Variants in KIF13B observed in about 807,000 individuals in gnomAD.
KIF13B encodes the protein kinesin-like protein KIF13B.
In KIF13B, 127 loss-of-function variants were observed where a neutral mutation model predicts 222.0. That is an observed-to-expected ratio of 0.57 (90% CI 0.50 to 0.66). The LOEUF is 0.66. Among genes scored for constraint, KIF13B ranks in the 30% least tolerant of loss-of-function variants. The pLI is 0.00. For synonymous variants in KIF13B, 976 were observed against 919.0 expected (o/e 1.06, Z -1.12); for missense variants, 2,173 against 2,379.0 (o/e 0.91, Z 1.80).
intron 2 of KIF13B, among the ~76,000 whole-genome samples, chr8:29,213,987 G>T: frequency 6.6e-6 from 1 of 152,066 alleles, no homozygotes; most frequent in East Asian, 1.9e-4. Flanking sequence ...AAATACAAAA[G>T]GTACAGTAAA....
chr8:29,173,523 G>A (rs1812340652), intron 10 of KIF13B, among the ~76,000 whole-genome samples: 1 of 151,140 alleles, frequency 6.6e-6, no homozygotes, highest in Non-Finnish European at 1.5e-5. Flanking sequence ...AAAGGAGGCT[G>A]ATGTGGGAGG....
chr8:29,109,909 T>C lies in KIF13B; in HGVS notation c.4083+9A>G. On this transcript the variant is annotated intron_variant, in intron 33 of 39. Transcript: ENST00000524189. Reference sequence around the variant, plus strand: ...TCTGCTGCCCGCCCTATCCATGCGGTTGGCTAACCTGGCGCAGACGATCTA... The same window carrying C: ...TCTGCTGCCCGCCCTATCCATGCGGCTGGCTAACCTGGCGCAGACGATCTA... 2 of 1,612,752 alleles carry C rather than the reference T, an allele frequency of 1.2e-6. No homozygotes were observed. The highest frequency in any genetic ancestry group is 2.2e-5 in the East Asian group (1 of 44,882).
intron 29 of KIF13B, among the ~76,000 whole-genome samples, chr8:29,120,373 C>T (rs1809811142): frequency 1.1e-5 from 1 of 90,392 alleles, no homozygotes; most frequent in Admixed American, 1.2e-4. Context: ...TATTCCCCTT[C>T]CTGTGTCCAT....
In KIF13B at chr8:29,130,562, G is replaced by A. The variant is rs771936727; in HGVS notation, c.3046C>T (p.Pro1016Ser). 1.2e-6 allele frequency: 2 copies of A among 1,613,634 alleles called. No individual in the cohort carries two copies. The highest frequency in any genetic ancestry group is 2.2e-5 in the South Asian group (2 of 91,078). Residue 1016 changes from proline (P) to serine (S), a missense_variant, in exon 24 of 40, where the codon CCA (proline) becomes TCA (serine). Coordinates refer to ENST00000524189, the MANE Select transcript of KIF13B (RefSeq NM_015254.4). ...PVEVISAKDV[P>S]TGGIFQLRQG... ...CGGAGCTGGAAGATTCCTCCTGTTG[G>A]GACATCCTTTGCAGAAATCACTTCT...
rs569462745 is a variant in KIF13B, at chr8:29,131,610, C to G, written c.2942+698G>C. On this transcript the variant is annotated intron_variant, in intron 23 of 39. Coordinates refer to ENST00000524189, the MANE Select transcript of KIF13B (RefSeq NM_015254.4). ...TCCCTTTTAATGCTTCCTTTTAAGT[C>G]CACAAAGAAGCCTACCTCTTTCCAA... 7.9e-5 allele frequency among the ~76,000 whole-genome samples: 12 copies of G among 152,280 alleles called. 1 individual carries two copies. Among genetic ancestry groups the G allele is most frequent in the Middle Eastern group, 3.4e-3 (1 of 294 alleles).
intron 2 of KIF13B, among the ~76,000 whole-genome samples, chr8:29,241,658 G>T (rs969969214): frequency 6.9e-6 from 1 of 144,930 alleles, no homozygotes; most frequent in African/African-American, 2.6e-5. Context: ...ACATCACAGC[G>T]AAGCAGTCTC....
intron 13 of KIF13B, 90 bp from the exon 14 acceptor site, chr8:29,155,946 A>G: frequency 2.8e-6 from 3 of 1,058,738 alleles, no homozygotes; most frequent in East Asian, 2.7e-5. Flanking sequence ...ATATTGTCCT[A>G]TTACCTTTGC....
At chr8:29,250,714 C>T (rs777804876) in intron 1 of KIF13B, among the ~76,000 whole-genome samples, 1 of 152,126 alleles carries the variant, frequency 6.6e-6, no homozygotes, top group African/African-American at 2.4e-5. Context: ...AATATGTATA[C>T]GGGCAGAACA....
intron 2 of KIF13B, among the ~76,000 whole-genome samples, chr8:29,223,459 G>A (rs4732669): frequency 0.79 from 120,014 of 151,996 alleles, 48,401 homozygotes; most frequent in Non-Finnish European, 0.87. Context: ...AATACATCCT[G>A]TAAGATTACT....
intron 33 of KIF13B, 36 bp from the exon 34 acceptor site, chr8:29,109,547 G>T (rs1199680304): frequency 1.3e-6 from 2 of 1,555,026 alleles, no homozygotes; most frequent in East Asian, 4.5e-5. Context: ...AAAAAGACAT[G>T]TAAGAGACAC....
At chr8:29,188,722 A>G (rs1813052143) in intron 4 of KIF13B, 115 bp from the exon 5 acceptor site, 1 of 658,946 alleles carries the variant, frequency 1.5e-6, no homozygotes, top group Non-Finnish European at 2.6e-6. Context: ...ATCTCCAAAC[A>G]AGATTTTTAA....
chr8:29,215,393 A>G (rs6558101), intron 2 of KIF13B, among the ~76,000 whole-genome samples: 18,216 of 152,216 alleles, frequency 0.12, 1,241 homozygotes, highest in South Asian at 0.15. Flanking sequence ...CCAACTCTAT[A>G]GAACAGTATG....
chr8:29,263,189 A>G (rs1052132521), upstream of KIF13B: 15 of 636,190 alleles, frequency 2.4e-5, no homozygotes, highest in Non-Finnish European at 3.6e-5. Flanking sequence ...TCCCCGCTGT[A>G]TGGCGGGACT....
At chr8:29,078,143 A>AAAAAAAAAAT (rs1290691485) in intron 37 of KIF13B, among the ~76,000 whole-genome samples, 3 of 150,668 alleles carry the variant, frequency 2.0e-5, no homozygotes, top group African/African-American at 7.3e-5. Flanking sequence ...AAAAAAAAAA[A>AAAAAAAAAAT]AATTAGCAGG....
intron 38 of KIF13B, among the ~76,000 whole-genome samples, chr8:29,073,109 AGGGG>A (rs1465453787): frequency 2.6e-4 from 20 of 76,460 alleles, no homozygotes; most frequent in African/African-American, 1.2e-3. Flanking sequence ...GGGGACGAGG[AGGGG>A]GACGAGGAGG....
intron 37 of KIF13B, among the ~76,000 whole-genome samples, chr8:29,089,260 C>T (rs1235799314): frequency 1.3e-5 from 2 of 152,082 alleles, no homozygotes; most frequent in Admixed American, 6.5e-5. Flanking sequence ...CAGCGAGACT[C>T]TGTCTCTAAA....
intron 32 of KIF13B, among the ~76,000 whole-genome samples, chr8:29,113,018 C>T (rs1434476646): frequency 6.6e-6 from 1 of 152,170 alleles, no homozygotes; most frequent in Admixed American, 6.5e-5. Flanking sequence ...CTCATTTGAT[C>T]CTTAAAAACA....
intron 37 of KIF13B, among the ~76,000 whole-genome samples, chr8:29,089,702 T>C (rs1456773913): frequency 6.6e-6 from 1 of 151,964 alleles, no homozygotes; most frequent in African/African-American, 2.4e-5. Context: ...GAGACCAGCC[T>C]TGCCAACATG....
rs577570498 is a variant in KIF13B at position 29,094,177 on chromosome 8, A to C, written c.4325-1299T>G. On this transcript the variant is annotated intron_variant, in intron 36 of 39. Transcript: ENST00000524189. ...CACACCCACCCACCCTACCACATGC[A>C]TCCTTCTCAAATCAGCTGAATCGAA... Among the ~76,000 whole-genome samples, 4 of 149,990 alleles carry C rather than the reference A, an allele frequency of 2.7e-5. 1 individual carries two copies. In the South Asian group the frequency reaches 8.6e-4, roughly 32 times the overall value.
Sources: allele counts gnomAD v4.1 joint callset (sites outside exome capture counted in the v4.1 genomes callset), GRCh38; gene constraint gnomAD v4.1.1; transcripts MANE v1.5; gene names NCBI Gene and HGNC (gene_info 2026-07-23, HGNC 2026-07-21).